The following RGS7 variants were observed in gnomAD, a reference collection of about 807,000 sequenced individuals.
The protein encoded by RGS7 is regulator of G protein signaling 7, also known as regulator of G-protein signaling 7.
A neutral mutation model predicts 81.1 loss-of-function variants in RGS7; 27 were observed. That is an observed-to-expected ratio of 0.33 (90% CI 0.25 to 0.46). The LOEUF (loss-of-function observed/expected upper bound fraction) is 0.46. Among genes scored for constraint, RGS7 ranks in the 20% least tolerant of loss-of-function variants. The pLI, the probability that RGS7 is intolerant of heterozygous loss-of-function variation, is 1.00. For synonymous variants in RGS7, 208 were observed against 207.7 expected, an observed-to-expected ratio of 1.00 and a Z score of -0.01; for missense variants, 396 against 607.4, an observed-to-expected ratio of 0.65 and a Z score of 3.66.
chr1:241,265,610 A>G (rs568533927), intron 2 of RGS7, among the ~76,000 whole-genome samples: 1 of 152,272 alleles, frequency 6.6e-6, no homozygotes, highest in South Asian at 2.1e-4. Flanking sequence ...AAACTAAAGG[A>G]AGGAGTTGGA....
chr1:240,921,200 A>G (rs1293752193), intron 6 of RGS7, among the ~76,000 whole-genome samples: 1 of 152,198 alleles, frequency 6.6e-6, no homozygotes, highest in Non-Finnish European at 1.5e-5. Context: ...TTGGTTATAA[A>G]AATGAGTGTT....
intron 9 of RGS7, among the ~76,000 whole-genome samples, chr1:240,829,234 C>A (rs1693383657): frequency 6.6e-6 from 1 of 152,046 alleles, no homozygotes; most frequent in African/African-American, 2.4e-5. Flanking sequence ...GTTTGCATAT[C>A]TATTTAGGAA....
intron 18 of RGS7, among the ~76,000 whole-genome samples, chr1:240,783,924 T>A (rs1269130262): frequency 4.0e-5 from 6 of 149,962 alleles, no homozygotes; most frequent in African/African-American, 1.5e-4. Flanking sequence ...GCCTGTAATC[T>A]CAGCACTTTG....
intron 2 of RGS7, among the ~76,000 whole-genome samples, chr1:241,234,078 T>C (rs1344340086): frequency 6.6e-6 from 1 of 152,238 alleles, no homozygotes; most frequent in Non-Finnish European, 1.5e-5. Context: ...AGTTTATGCA[T>C]TACCTCATCC....
At position 241,146,992 on chromosome 1, in the gene RGS7, G is replaced by A. The variant is rs528215934; in HGVS notation, c.79-48230C>T. On this transcript the variant is annotated intron_variant, in intron 2 of 18. Coordinates refer to ENST00000440928, the MANE Select transcript of RGS7 (RefSeq NM_001364886.1). Reference sequence around the variant, plus strand: ...AGGATTTCAACATGTGAATTTTGGGGACGTAGAAACACTCGGCTTATAGCA... The same window carrying A: ...AGGATTTCAACATGTGAATTTTGGGAACGTAGAAACACTCGGCTTATAGCA... 9.2e-5 allele frequency among the ~76,000 whole-genome samples: 14 copies of A among 152,284 alleles called. No homozygotes were observed. In the East Asian group the frequency reaches 2.5e-3, roughly 27 times the overall value.
At chr1:240,979,034 T>C (rs927944264) in intron 4 of RGS7, among the ~76,000 whole-genome samples, 4 of 152,190 alleles carry the variant, frequency 2.6e-5, no homozygotes, top group South Asian at 2.1e-4. Flanking sequence ...GGCCCATTTA[T>C]ATTTTGAATT....
intron 9 of RGS7, among the ~76,000 whole-genome samples, chr1:240,849,186 T>C (rs1210819442): frequency 6.6e-6 from 1 of 152,234 alleles, no homozygotes. Context: ...AGATCTATTC[T>C]ACTTTGCCTT....
intron 14 of RGS7, 74 bp downstream of exon 14, chr1:240,811,844 A>G: frequency 4.7e-6 from 6 of 1,289,288 alleles, no homozygotes; most frequent in Non-Finnish European, 6.8e-6. Flanking sequence ...TAATTGATCT[A>G]TTACCTCCAA....
At chr1:241,302,646 C>A (rs1335172728) in intron 2 of RGS7, among the ~76,000 whole-genome samples, 1 of 152,150 alleles carries the variant, frequency 6.6e-6, no homozygotes, top group Non-Finnish European at 1.5e-5. Context: ...AAAAATTTTT[C>A]TTATCATACA....
intron 18 of RGS7, among the ~76,000 whole-genome samples, chr1:240,781,596 ACT>A (rs1043899143): frequency 2.6e-5 from 4 of 152,198 alleles, no homozygotes; most frequent in East Asian, 1.9e-4. Flanking sequence ...ACAGAGCGAG[ACT>A]CTGTCTCAAC....
At chr1:241,314,764 G>A (rs993720911) in intron 2 of RGS7, among the ~76,000 whole-genome samples, 1 of 152,166 alleles carries the variant, frequency 6.6e-6, no homozygotes, top group African/African-American at 2.4e-5. Context: ...ATCGGAATTT[G>A]TAGGCCAAAG....
intron 2 of RGS7, among the ~76,000 whole-genome samples, chr1:241,241,028 A>G (rs1305225013): frequency 6.6e-6 from 1 of 152,128 alleles, no homozygotes; most frequent in East Asian, 1.9e-4. Context: ...TAAGAAGAGA[A>G]CAGCCCAGGT....
At chr1:241,048,296 A>G (rs959676584) in intron 3 of RGS7, among the ~76,000 whole-genome samples, 7 of 152,176 alleles carry the variant, frequency 4.6e-5, no homozygotes, top group Non-Finnish European at 1.0e-4. Context: ...AATAAAATAT[A>G]AAAGTAAGTT....
At chr1:240,850,765 A>G (rs1397148348) in intron 9 of RGS7, among the ~76,000 whole-genome samples, 1 of 152,216 alleles carries the variant, frequency 6.6e-6, no homozygotes, top group Non-Finnish European at 1.5e-5. Flanking sequence ...CACAAATGAT[A>G]AGAAAGCAAA....
At chr1:241,011,356 T>C (rs868731068) in intron 3 of RGS7, among the ~76,000 whole-genome samples, 1 of 152,014 alleles carries the variant, frequency 6.6e-6, no homozygotes, top group African/African-American at 2.4e-5. Context: ...GAGAGCAAAG[T>C]AGAGCAGCCT....
rs113887066 is a variant in RGS7, at chr1:241,304,807, T to G, written c.78+50892A>C. On this transcript the variant is annotated intron_variant, in intron 2 of 18. Transcript: ENST00000440928. ...CTAAGAAAAAATATATTTGCACATA[T>G]GTGATGTTTGAGGAAGTCATGAGAT... 2.6e-3 allele frequency among the ~76,000 whole-genome samples: 389 copies of G among 152,352 alleles called. 4 individuals are homozygous for G. The highest frequency in any genetic ancestry group is 8.5e-3 in the African/African-American group (355 of 41,580).
intron 2 of RGS7, among the ~76,000 whole-genome samples, chr1:241,349,675 T>C (rs2083114016): frequency 6.6e-6 from 1 of 152,210 alleles, no homozygotes; most frequent in African/African-American, 2.4e-5. Context: ...TCATCTACAA[T>C]TATTTTATAA....
At chr1:240,997,971 T>G (rs967819458) in intron 3 of RGS7, among the ~76,000 whole-genome samples, 1 of 152,226 alleles carries the variant, frequency 6.6e-6, no homozygotes, top group African/African-American at 2.4e-5. Flanking sequence ...TTTTAATCAT[T>G]CTGTTAGAGT....
intron 2 of RGS7, among the ~76,000 whole-genome samples, chr1:241,183,719 A>C (rs1483206819): frequency 6.6e-6 from 1 of 152,218 alleles, no homozygotes; most frequent in East Asian, 1.9e-4. Context: ...CCTGAATTCT[A>C]GTAAGAGAGT....
Sources: allele counts gnomAD v4.1 joint callset (sites outside exome capture counted in the v4.1 genomes callset), GRCh38; gene constraint gnomAD v4.1.1; transcripts MANE v1.5; gene names NCBI Gene and HGNC (gene_info 2026-07-23, HGNC 2026-07-21).